PCDHGA12: variants seen among roughly 807,000 people sequenced by gnomAD.
PCDHGA12 encodes protocadherin gamma-A12.
PCDHGA12 carries 43 observed loss-of-function variants against 61.1 expected under a neutral mutation model. That is an observed-to-expected ratio of 0.70 (90% CI 0.55 to 0.91). The LOEUF is 0.91. Ranked by LOEUF, PCDHGA12 falls within the 40% of genes least tolerant of loss-of-function variation. The probability of loss-of-function intolerance (pLI) is 0.00; values close to 1 mark genes in which losing one functional copy is unlikely to be tolerated. For missense variants in PCDHGA12, 1,236 were observed against 1,227.7 expected, an observed-to-expected ratio of 1.01 and a Z score of -0.10; for synonymous variants, 520 against 542.9, an observed-to-expected ratio of 0.96 and a Z score of 0.59.
rs1594666821 is a variant in PCDHGA12, at chr5:141,487,316, T to C, written c.2425-7491T>C. 6.2e-7 allele frequency: 1 copy of C among 1,614,164 alleles called. No individual in the cohort carries two copies. Among genetic ancestry groups the C allele is most frequent in the South Asian group, 1.1e-5 (1 of 91,080 alleles). On this transcript the variant is annotated intron_variant, in intron 1 of 3. Coordinates refer to ENST00000252085, the MANE Select transcript of PCDHGA12 (RefSeq NM_003735.3). This position sits in a 1 kb window ranked among gnomAD's most constrained non-coding sequence, Gnocchi z 5.0. ...CTCATTCGTGGCACTACTCTCTAAG[T>C]GTCTTCGTGGGGCAGCCTGTGGAGT... is the stretch of plus-strand genomic sequence containing the variant.
chr5:141,497,740 C>T (rs954595046), intron 2 of PCDHGA12, among the ~76,000 whole-genome samples: 1 of 152,054 alleles, frequency 6.6e-6, no homozygotes, highest in South Asian at 2.1e-4. Context: ...GGTTTCGCCA[C>T]GTTGGCCAGG....
chr5:141,492,425 C>T (rs1243599547), intron 1 of PCDHGA12, among the ~76,000 whole-genome samples: 1 of 152,254 alleles, frequency 6.6e-6, no homozygotes, highest in Non-Finnish European at 1.5e-5. Flanking sequence ...CTCCGCCGGG[C>T]TCAGGAGTAC....
intron 2 of PCDHGA12, among the ~76,000 whole-genome samples, chr5:141,501,294 C>CAT (rs200497585): frequency 0.16 from 9,924 of 62,810 alleles, 350 homozygotes; most frequent in Non-Finnish European, 0.25. Flanking sequence ...CCCTTATACA[C>CAT]ACACACACAC....
At chr5:141,463,438 C>CTTTTTTT (rs71576115) in intron 1 of PCDHGA12, among the ~76,000 whole-genome samples, 6 of 103,252 alleles carry the variant, frequency 5.8e-5, no homozygotes, top group African/African-American at 1.3e-4. Flanking sequence ...TTTCCTTCTC[C>CTTTTTTT]TTTTTTTTTT....
chr5:141,490,686 C>T lies in PCDHGA12; in HGVS notation c.2425-4121C>T. The T allele has an allele frequency of 3.7e-6, 6 of 1,614,196 alleles. No homozygotes were observed. The highest frequency in any genetic ancestry group is 5.1e-6 in the Non-Finnish European group (6 of 1,180,014). ...GCACTGTGGCTGCCTCAGATCCAGA[C>T]ACTGGGGATAATGCCCGCCTCACCT... On this transcript the variant is annotated intron_variant, in intron 1 of 3. Coordinates refer to ENST00000252085, the MANE Select transcript of PCDHGA12 (RefSeq NM_003735.3). This position sits in a 1 kb window ranked among gnomAD's most constrained non-coding sequence, Gnocchi z 5.4.
chr5:141,448,948 AAAAC>A (rs1237948751), intron 1 of PCDHGA12, among the ~76,000 whole-genome samples: 14 of 152,170 alleles, frequency 9.2e-5, no homozygotes, highest in African/African-American at 9.7e-5. Flanking sequence ...GCAACTCAAA[AAAAC>A]AAACAAACAA....
At chr5:141,442,701 A>AG (rs1388473196) in intron 1 of PCDHGA12, among the ~76,000 whole-genome samples, 5 of 152,258 alleles carry the variant, frequency 3.3e-5, no homozygotes, top group Non-Finnish European at 7.3e-5. Flanking sequence ...AGACAAGAGT[A>AG]TCAGACATGC....
chr5:141,461,409 A>ATATGTTTGT (rs1491521215), intron 1 of PCDHGA12, among the ~76,000 whole-genome samples: 2 of 151,810 alleles, frequency 1.3e-5, no homozygotes, highest in Non-Finnish European at 2.9e-5. Context: ...GCATTTTTTC[A>ATATGTTTGT]TATGTTTGTG....
chr5:141,506,115 T>C (rs1211973354), intron 3 of PCDHGA12, among the ~76,000 whole-genome samples: 1 of 152,062 alleles, frequency 6.6e-6, no homozygotes, highest in Admixed American at 6.5e-5. Context: ...GAAGAGTCAC[T>C]AGGGCCCAGA....
In PCDHGA12 at chr5:141,489,584, A is replaced by G. The variant is rs775720718; in HGVS notation, c.2425-5223A>G. Reference sequence around the variant, plus strand: ...CAGGTGGTGACTGAACACCCCCTGGAGCTAATCCGTGTAGAGGTAGAGATC... The same window carrying G: ...CAGGTGGTGACTGAACACCCCCTGGGGCTAATCCGTGTAGAGGTAGAGATC... On this transcript the variant is annotated intron_variant, in intron 1 of 3. Coordinates refer to ENST00000252085, the MANE Select transcript of PCDHGA12 (RefSeq NM_003735.3). The surrounding 1 kb of genome is among the most constrained non-coding windows in gnomAD (Gnocchi z 4.5). The G allele has an allele frequency of 6.2e-7, 1 of 1,614,054 alleles. No homozygotes were observed. Among genetic ancestry groups the G allele is most frequent in the South Asian group, 1.1e-5 (1 of 91,078 alleles).
chr5:141,476,190 C>T lies in PCDHGA12; in HGVS notation c.2425-18617C>T. On this transcript the variant is annotated intron_variant, in intron 1 of 3. Transcript: ENST00000252085. The surrounding 1 kb of genome is among the most constrained non-coding windows in gnomAD (Gnocchi z 7.6). ...GTGGGAGTTTTGCTTCTGCTTGGTG[C>T]CTTGAACAAGGCTTCCACGGTCATT... is the stretch of plus-strand genomic sequence containing the variant. 3.1e-6 allele frequency: 5 copies of T among 1,613,694 alleles called. No individual in the cohort carries two copies. The highest frequency in any genetic ancestry group is 4.2e-6 in the Non-Finnish European group (5 of 1,179,988).
In PCDHGA12 at chr5:141,487,829, C is replaced by T. The variant is rs528435429; in HGVS notation, c.2425-6978C>T. On this transcript the variant is annotated intron_variant, in intron 1 of 3. Transcript: ENST00000252085. The surrounding 1 kb of genome is among the most constrained non-coding windows in gnomAD (Gnocchi z 5.0). ...GTTTAGCATTGGGGGCGGGTCATGC[C>T]TATATCTGAGTAAGAAATGAAAGTA... The T allele has an allele frequency of 1.1e-4, 125 of 1,182,994 alleles. No homozygotes were observed. In the Middle Eastern group the frequency reaches 3.7e-3, roughly 35 times the overall value. 73.3% of individuals were successfully genotyped at this position (1,182,994 alleles called of 1,614,324 possible).
intron 3 of PCDHGA12, among the ~76,000 whole-genome samples, chr5:141,510,424 C>T (rs2154594619): frequency 6.6e-6 from 1 of 152,236 alleles, no homozygotes; most frequent in South Asian, 2.1e-4. Flanking sequence ...GCCATGGTTT[C>T]ATGGCTGCTG....
rs532830928 is a variant in PCDHGA12 at position 141,473,487 on chromosome 5, A to G, written c.2425-21320A>G. Reference sequence around the variant, plus strand: ...TTGTGCCAAGTTCAATGGAAAAAATATAAGGTGTTCTGAGAGAGCATAACA... The same window carrying G: ...TTGTGCCAAGTTCAATGGAAAAAATGTAAGGTGTTCTGAGAGAGCATAACA... On this transcript the variant is annotated intron_variant, in intron 1 of 3. Coordinates refer to ENST00000252085, the MANE Select transcript of PCDHGA12 (RefSeq NM_003735.3). 2.0e-3 allele frequency among the ~76,000 whole-genome samples: 310 copies of G among 152,242 alleles called. 5 individuals carry two copies. The South Asian group carries it at 0.052, about 25-fold the overall frequency.
chr5:141,433,914 C>A (rs2097664630), intron 1 of PCDHGA12, among the ~76,000 whole-genome samples: 1 of 151,702 alleles, frequency 6.6e-6, no homozygotes, highest in Admixed American at 6.6e-5. Context: ...TTACAATCAC[C>A]TCCAAATGAA....
intron 2 of PCDHGA12, among the ~76,000 whole-genome samples, chr5:141,504,997 AC>A (rs554150488): frequency 9.9e-5 from 15 of 152,238 alleles, no homozygotes; most frequent in African/African-American, 2.9e-4. Flanking sequence ...CCCCGTCTGT[AC>A]TAAAAATACA....
At chr5:141,507,443 G>A (rs2099860678) in intron 3 of PCDHGA12, among the ~76,000 whole-genome samples, 2 of 152,200 alleles carry the variant, frequency 1.3e-5, no homozygotes. Flanking sequence ...TACAGCTGAC[G>A]GAAGGACAGA....
intron 1 of PCDHGA12, among the ~76,000 whole-genome samples, chr5:141,460,221 C>T (rs931609262): frequency 3.4e-4 from 51 of 151,918 alleles, no homozygotes; most frequent in African/African-American, 1.2e-3. Flanking sequence ...TTAGTTGTGT[C>T]TTTTGAAGAG....
chr5:141,507,631 C>T (rs1435446169), intron 3 of PCDHGA12, among the ~76,000 whole-genome samples: 4 of 152,236 alleles, frequency 2.6e-5, no homozygotes, highest in East Asian at 3.8e-4. Context: ...TGTGGCCTTG[C>T]GCCCTGAGGC....
Sources: gnomAD v4.1 joint callset for allele counts (sites outside exome capture counted in the v4.1 genomes callset) on GRCh38, gnomAD v4.1.1 for gene constraint, Gnocchi (gnomAD v3.1) non-coding constraint, MANE v1.5 for transcripts, NCBI Gene and HGNC (gene_info 2026-07-23, HGNC 2026-07-21) for gene names.